TRIM62: variants seen among roughly 807,000 people sequenced by gnomAD.
The protein encoded by TRIM62 is tripartite motif containing 62, also known as E3 ubiquitin-protein ligase TRIM62.
In TRIM62, 39 loss-of-function variants were observed where a neutral mutation model predicts 44.2. The ratio of observed to expected loss-of-function variants is 0.88; its 90% CI spans 0.68 to 1.15. TRIM62 has a LOEUF of 1.15. TRIM62 is among the 50% of genes most tolerant of loss of function. The pLI is 0.00. For synonymous variants in TRIM62, 278 were observed against 292.3 expected (o/e 0.95, Z 0.50); for missense variants, 544 against 665.5 (o/e 0.82, Z 2.01).
chr1:33,164,536 G>A (rs1645309663), intron 2 of TRIM62: 1 of 152,386 alleles, frequency 6.6e-6, no homozygotes, highest in Non-Finnish European at 1.5e-5. Flanking sequence ...CACACAGTGA[G>A]TTAGTGGTGG....
At position 33,165,367 on chromosome 1, in the gene TRIM62, C is replaced by T; in HGVS notation, c.504+104G>A. On this transcript the variant is annotated intron_variant, in intron 2 of 4. Transcript: ENST00000291416. The surrounding 1 kb of genome is among the most constrained non-coding windows in gnomAD (Gnocchi z 4.0). ...GTTTGGCTCCTTGAAGCCAGGTTTCCACCGCACACCCGAGGCCCCGCCCCT... is the reference window on the plus strand; with the variant it reads ...GTTTGGCTCCTTGAAGCCAGGTTTCTACCGCACACCCGAGGCCCCGCCCCT... 3 of 1,108,798 alleles carry T rather than the reference C, an allele frequency of 2.7e-6. No homozygotes were observed. Among genetic ancestry groups the T allele is most frequent in the South Asian group, 3.1e-5 (2 of 63,530 alleles). 68.7% of individuals were successfully genotyped at this position (1,108,798 alleles called of 1,614,324 possible).
chr1:33,147,816 TG>T lies in TRIM62; in HGVS notation c.878-90del, dbSNP rs1645041837. The T allele has an allele frequency of 6.8e-7, 1 of 1,479,756 alleles. No homozygotes were observed. Among genetic ancestry groups the T allele is most frequent in the African/African-American group, 1.4e-5 (1 of 71,752 alleles). The allele number at this position is 1,479,756 out of a possible 1,614,324, so 91.7% of individuals were successfully genotyped here. On this transcript the variant is annotated intron_variant, in intron 4 of 4. Coordinates refer to ENST00000291416, the MANE Select transcript of TRIM62 (RefSeq NM_018207.3). This position sits in a 1 kb window ranked among gnomAD's most constrained non-coding sequence, Gnocchi z 8.1. ...GCCTTCCTGAGGGCAGAGTTCTGGT[TG>T]GTACGCAGGAGGCCTCTGACCTGCT... is the stretch of plus-strand genomic sequence containing the variant.
Position 33,165,627 on chromosome 1 carries a change from C to A in TRIM62, c.409-61G>T. On this transcript the variant is annotated intron_variant, in intron 1 of 4. Coordinates refer to ENST00000291416, the MANE Select transcript of TRIM62 (RefSeq NM_018207.3). The surrounding 1 kb of genome is among the most constrained non-coding windows in gnomAD (Gnocchi z 4.0). ...CCATGCCTGGCCCAGGCATTCAGCC[C>A]TGACCACTGCCAGGCGCTGGGGGTT... 7.0e-7 allele frequency: 1 copy of A among 1,437,878 alleles called. No individual in the cohort carries two copies. Among genetic ancestry groups the A allele is most frequent in the Non-Finnish European group, 9.4e-7 (1 of 1,065,396 alleles). 89.1% of individuals were successfully genotyped at this position (1,437,878 alleles called of 1,614,324 possible).
intron 1 of TRIM62, among the ~76,000 whole-genome samples, chr1:33,175,538 G>A (rs948150023): frequency 1.3e-4 from 20 of 152,198 alleles, no homozygotes; most frequent in Non-Finnish European, 2.4e-4. Context: ...AATGGGGAGC[G>A]TGTCAACCAG....
At chr1:33,150,995 A>G (rs1278156475) in intron 4 of TRIM62, among the ~76,000 whole-genome samples, 1 of 152,152 alleles carries the variant, frequency 6.6e-6, no homozygotes, top group Non-Finnish European at 1.5e-5. Flanking sequence ...ACCGAGGCTC[A>G]GGGCAGAAGG....
At chr1:33,157,174 A>C (rs954252435) in intron 4 of TRIM62, among the ~76,000 whole-genome samples, 6 of 151,950 alleles carry the variant, frequency 3.9e-5, no homozygotes, top group African/African-American at 1.2e-4. Flanking sequence ...TGGCCTACAG[A>C]CCCTCGTGGT....
chr1:33,175,031 T>TATGTATATTTATATGTATATGTA (rs1161088243), intron 1 of TRIM62, among the ~76,000 whole-genome samples: 1 of 147,102 alleles, frequency 6.8e-6, no homozygotes, highest in African/African-American at 2.6e-5. Flanking sequence ...ATGTATATGT[T>TATGTATATTTATATGTATATGTA]TATGTATATG....
Position 33,181,105 on chromosome 1 carries a change from G to T in TRIM62, c.328C>A (p.Leu110Ile), listed in dbSNP as rs374703703. 1 of 1,600,038 alleles carries T rather than the reference G, an allele frequency of 6.2e-7. No homozygotes were observed. The highest frequency in any genetic ancestry group is 8.5e-7 in the Non-Finnish European group (1 of 1,178,754). ...KLFCLTDRAL[L>I]CFFCDEPALH... ...GCAGGCTCGTCGCAGAAGAAGCAGA[G>T]AAGCGCGCGGTCCGTGAGGCAGAAG... The change falls in exon 1 of 5, where the codon CTC (leucine) becomes ATC (isoleucine). Residue 110 changes from leucine to isoleucine, a missense_variant. Transcript: ENST00000291416. The surrounding 1 kb of genome is among the most constrained non-coding windows in gnomAD (Gnocchi z 6.5).
chr1:33,176,709 CGGTAT>C (rs1220143502), intron 1 of TRIM62, among the ~76,000 whole-genome samples: 2 of 152,202 alleles, frequency 1.3e-5, no homozygotes, highest in African/African-American at 4.8e-5. Flanking sequence ...AGCTCAGGGA[CGGTAT>C]GTGGCCTAGT....
At chr1:33,180,976 CACCTCCAGCCCGG>C in intron 1 of TRIM62, 36 bp downstream of exon 1, 2 of 1,101,864 alleles carry the variant, frequency 1.8e-6, no homozygotes, top group South Asian at 1.4e-5. Flanking sequence ...CGCCCGGCCC[CACCTCCAGCCCGG>C]CCCCGCCCCT....
rs1170894839 is a variant in TRIM62 at position 33,158,388 on chromosome 1, G to C, written c.762-20C>G. The C allele has an allele frequency of 4.4e-6, 7 of 1,607,218 alleles. No homozygotes were observed. On this transcript the variant is annotated intron_variant, in intron 3 of 4. Coordinates refer to ENST00000291416, the MANE Select transcript of TRIM62 (RefSeq NM_018207.3). ...TTGAGCCTGGAAGGAGAGCAGGAAA[G>C]GGGGCTGCACCAGGGACTGGATTCC...
Position 33,159,917 on chromosome 1 carries a change from T to TAG in TRIM62, c.530_531dup (p.Ile178LeufsTer21). 1 of 1,607,092 alleles carries TAG rather than the reference T, an allele frequency of 6.2e-7. No individual in the cohort carries two copies. The highest frequency in any genetic ancestry group is 8.5e-7 in the Non-Finnish European group (1 of 1,179,898). ...TGCAGCCGCTCGAAGGCCTCGCCGA[T>TAG]AGTGGTCCGCAGGCTCTTGGTGGAA... On this transcript the variant is annotated frameshift_variant, in exon 3 of 5. Coordinates refer to ENST00000291416, the MANE Select transcript of TRIM62 (RefSeq NM_018207.3). LOFTEE classifies it high-confidence loss of function. This position sits in a 1 kb window ranked among gnomAD's most constrained non-coding sequence, Gnocchi z 4.2.
intron 4 of TRIM62, among the ~76,000 whole-genome samples, chr1:33,150,359 A>G (rs1033215301): frequency 6.6e-6 from 1 of 152,224 alleles, no homozygotes; most frequent in Non-Finnish European, 1.5e-5. Context: ...AATGATGGGG[A>G]CTGTCCCCAA....
At chr1:33,172,714 T>TG (rs1441792389) in intron 1 of TRIM62, among the ~76,000 whole-genome samples, 7 of 151,968 alleles carry the variant, frequency 4.6e-5, no homozygotes, top group Non-Finnish European at 2.9e-5. Context: ...ACAGAGGAGT[T>TG]GGGGGGCACA....
At chr1:33,179,806 C>T (rs1645446552) in intron 1 of TRIM62, among the ~76,000 whole-genome samples, 1 of 152,104 alleles carries the variant, frequency 6.6e-6, no homozygotes, top group East Asian at 1.9e-4. Context: ...ATTCCAGGCC[C>T]AAGTAAGCTT....
In TRIM62 at chr1:33,181,372, G is replaced by T; in HGVS notation, c.61C>A (p.Pro21Thr). Residue 21 changes from proline (P) to threonine (T), a missense_variant, in exon 1 of 5, where the codon CCG (proline) becomes ACG (threonine). Transcript: ENST00000291416. The surrounding 1 kb of genome is among the most constrained non-coding windows in gnomAD (Gnocchi z 6.5). ...TAATGCTCGCAGCCCAGGCTCACCG[G>T]GTCCTGGTAGATGCTCAGGCAGATG... ...CSICLSIYQD[P>T]VSLGCEHYFC... The T allele has an allele frequency of 6.2e-7, 1 of 1,600,150 alleles. No homozygotes were observed. The highest frequency in any genetic ancestry group is 1.3e-5 in the African/African-American group (1 of 74,780).
chr1:33,158,226 T>C (rs1333112286), intron 4 of TRIM62, 27 bp downstream of exon 4: 1 of 1,602,348 alleles, frequency 6.2e-7, no homozygotes, highest in Admixed American at 1.7e-5. Flanking sequence ...CCCACCTAGC[T>C]CTGGACCATG....
At position 33,147,086 on chromosome 1, in the gene TRIM62, C is replaced by T. The variant is rs117816476; in HGVS notation, c.*91G>A. 26 of 1,450,646 alleles carry T rather than the reference C, an allele frequency of 1.8e-5. No individual in the cohort carries two copies. The East Asian group carries it at 1.8e-4, about 10-fold the overall frequency. 89.9% of individuals were successfully genotyped at this position (1,450,646 alleles called of 1,614,324 possible). A position where few individuals can be genotyped will look rare whatever the true frequency, so the allele number is the denominator to read the frequency against. On this transcript the variant is annotated 3_prime_UTR_variant, in exon 5 of 5. Coordinates refer to ENST00000291416, the MANE Select transcript of TRIM62 (RefSeq NM_018207.3). This position sits in a 1 kb window ranked among gnomAD's most constrained non-coding sequence, Gnocchi z 8.1. ...ACTGGCCTGAGGTCTCCAGTGGCCA[C>T]GGTGGGCTGGAGTCCAGGTCTTCTA...
At chr1:33,176,144 C>G (rs1170039927) in intron 1 of TRIM62, among the ~76,000 whole-genome samples, 6 of 152,228 alleles carry the variant, frequency 3.9e-5, no homozygotes, top group African/African-American at 1.4e-4. Context: ...TTCCCCACAA[C>G]ACAGACAACC....
Sources: allele counts gnomAD v4.1 joint callset (sites outside exome capture counted in the v4.1 genomes callset), GRCh38; gene constraint gnomAD v4.1.1; non-coding constraint Gnocchi (gnomAD v3.1); transcripts MANE v1.5; gene names NCBI Gene and HGNC (gene_info 2026-07-23, HGNC 2026-07-21).